IMPG1: variants seen among roughly 807,000 people sequenced by gnomAD.
IMPG1 encodes interphotoreceptor matrix proteoglycan 1, also known as interphotoreceptor matrix proteoglycan of 150 kDa.
A neutral mutation model predicts 92.0 loss-of-function variants in IMPG1; 85 were observed. The ratio of observed to expected loss-of-function variants is 0.92; its 90% CI spans 0.78 to 1.11. The LOEUF (loss-of-function observed/expected upper bound fraction) is 1.11, where lower values mean the gene tolerates loss of function less well. Among genes scored for constraint, IMPG1 ranks in the 50% least tolerant of loss-of-function variants. The pLI is 0.00. For missense variants in IMPG1, 1,022 were observed against 956.0 expected, an observed-to-expected ratio of 1.07 and a Z score of -0.91; for synonymous variants, 367 against 334.1, an observed-to-expected ratio of 1.10 and a Z score of -1.08.
At chr6:75,929,206 G>A (rs1781619320) in intron 15 of IMPG1, among the ~76,000 whole-genome samples, 1 of 152,064 alleles carries the variant, frequency 6.6e-6, no homozygotes, top group South Asian at 2.1e-4. Flanking sequence ...TTTCCAATTT[G>A]TACATCCACC....
At chr6:76,054,485 C>T (rs1323395289) in intron 1 of IMPG1, among the ~76,000 whole-genome samples, 2 of 151,964 alleles carry the variant, frequency 1.3e-5, no homozygotes, top group Admixed American at 1.3e-4. Context: ...AAAAAGGTTC[C>T]CATGATTTGC....
In IMPG1 at chr6:76,042,071, T is replaced by C. The variant is rs144543785; in HGVS notation, c.123A>G (p.Arg41=). The change falls in exon 2 of 17, where the codon AGA becomes AGG. Residue 41 remains arginine (R), a synonymous_variant. Transcript: ENST00000369950. ...TTTCAGTACTTTCAGTTGTTTCATT[T>C]CTTGGGGGATTGTCTATGTCTTTAG... ...SETKDIDNPP[R]NETTESTEKM... 220 of 1,609,950 alleles carry C rather than the reference T, an allele frequency of 1.4e-4. 1 individual carries two copies. The highest frequency in any genetic ancestry group is 1.7e-4 in the Non-Finnish European group (204 of 1,176,256).
intron 12 of IMPG1, among the ~76,000 whole-genome samples, chr6:75,955,725 T>G (rs1445081424): frequency 6.6e-6 from 1 of 152,234 alleles, no homozygotes; most frequent in Non-Finnish European, 1.5e-5. Flanking sequence ...AGTGTGATAT[T>G]GGCTGTGGGT....
chr6:76,066,410 C>T (rs1784311341), intron 1 of IMPG1, among the ~76,000 whole-genome samples: 1 of 151,942 alleles, frequency 6.6e-6, no homozygotes, highest in African/African-American at 2.4e-5. Flanking sequence ...GAAGGAGTAG[C>T]TATAGTTACA....
At chr6:75,940,948 C>G (rs974679232) in intron 14 of IMPG1, among the ~76,000 whole-genome samples, 2 of 152,184 alleles carry the variant, frequency 1.3e-5, no homozygotes, top group African/African-American at 4.8e-5. Context: ...TCTGTATATG[C>G]CTGCTATGAT....
intron 8 of IMPG1, among the ~76,000 whole-genome samples, chr6:76,008,646 G>A (rs1194164760): frequency 3.3e-5 from 5 of 152,184 alleles, no homozygotes; most frequent in Admixed American, 3.3e-4. Flanking sequence ...TGTAATCCAT[G>A]AGGTTCTGTA....
rs533374908 is a variant in IMPG1 at position 76,042,421 on chromosome 6, C to T, written c.68-295G>A. Among the ~76,000 whole-genome samples the T allele has an allele frequency of 2.6e-5, 4 of 152,140 alleles. No individual in the cohort carries two copies. The South Asian group carries it at 6.2e-4, about 24-fold the overall frequency. On this transcript the variant is annotated intron_variant, in intron 1 of 16. Coordinates refer to ENST00000369950, the MANE Select transcript of IMPG1 (RefSeq NM_001563.4). ...CCCACACATCTTTCTAAAAATCACT[C>T]CCCACTTAGCACTCAAGCCTCTCAA...
Position 75,946,754 on chromosome 6 carries a change from A to AAAAGC in IMPG1, c.2044+555_2044+559dup, listed in dbSNP as rs550308189. Among the ~76,000 whole-genome samples, 43 of 152,336 alleles carry AAAAGC rather than the reference A, an allele frequency of 2.8e-4. 1 individual carries two copies. The South Asian group carries it at 8.9e-3, about 32-fold the overall frequency. ...GAAGCTGATCTGTAGTATACAACCA[A>AAAAGC]AAAGCAAATTTATTTTCTTCTTTTT... On this transcript the variant is annotated intron_variant, in intron 14 of 16. Coordinates refer to ENST00000369950, the MANE Select transcript of IMPG1 (RefSeq NM_001563.4).
At chr6:76,016,361 C>T (rs1050506563) in intron 7 of IMPG1, among the ~76,000 whole-genome samples, 2 of 152,144 alleles carry the variant, frequency 1.3e-5, no homozygotes, top group African/African-American at 4.8e-5. Context: ...GGCCAATTAT[C>T]CTACTTTGAA....
At chr6:76,022,756 A>G (rs1171939124) in intron 5 of IMPG1, among the ~76,000 whole-genome samples, 2 of 152,224 alleles carry the variant, frequency 1.3e-5, no homozygotes, top group Non-Finnish European at 2.9e-5. Context: ...AAAGATCTTC[A>G]TAGAGTGCAA....
intron 12 of IMPG1, among the ~76,000 whole-genome samples, chr6:75,957,292 G>C (rs1320948083): frequency 1.3e-5 from 2 of 152,160 alleles, no homozygotes; most frequent in African/African-American, 4.8e-5. Flanking sequence ...TATGATTTCT[G>C]TTCTTTTGCA....
chr6:75,934,823 C>T, intron 14 of IMPG1: 1 of 393,774 alleles, frequency 2.5e-6, no homozygotes, highest in African/African-American at 2.0e-5. Flanking sequence ...CAACCTTGTC[C>T]TGCTCTTGCC....
At chr6:75,977,602 CAAAA>C (rs1281620793) in intron 12 of IMPG1, among the ~76,000 whole-genome samples, 9 of 141,300 alleles carry the variant, frequency 6.4e-5, no homozygotes, top group African/African-American at 2.4e-4. Context: ...AAAAAAAAAA[CAAAA>C]AAAAACCCCC....
intron 1 of IMPG1, among the ~76,000 whole-genome samples, chr6:76,053,061 C>A (rs1199284837): frequency 1.3e-5 from 2 of 152,196 alleles, no homozygotes; most frequent in African/African-American, 2.4e-5. Flanking sequence ...CACTCCTAAT[C>A]ATCTCATCTT....
intron 2 of IMPG1, among the ~76,000 whole-genome samples, chr6:76,041,025 T>C (rs900563730): frequency 1.3e-5 from 2 of 152,214 alleles, no homozygotes; most frequent in Non-Finnish European, 2.9e-5. Context: ...TAGAAATCAG[T>C]AAAACTCTCA....
chr6:75,976,096 A>G (rs1013948663), intron 12 of IMPG1, among the ~76,000 whole-genome samples: 7 of 152,328 alleles, frequency 4.6e-5, no homozygotes, highest in African/African-American at 1.7e-4. Context: ...TTTTGGAACC[A>G]ATGATAACAT....
chr6:75,937,539 CTTA>C, intron 14 of IMPG1, among the ~76,000 whole-genome samples: 1 of 152,288 alleles, frequency 6.6e-6, no homozygotes, highest in South Asian at 2.1e-4. Context: ...AGACAAATTA[CTTA>C]TTCTTCTCTG....
intron 8 of IMPG1, among the ~76,000 whole-genome samples, chr6:76,009,472 A>C (rs956830954): frequency 6.6e-6 from 1 of 152,250 alleles, no homozygotes; most frequent in Non-Finnish European, 1.5e-5. Context: ...ACAAAAAAGC[A>C]ATTTCCTTAA....
intron 1 of IMPG1, among the ~76,000 whole-genome samples, chr6:76,047,453 T>G (rs1309691571): frequency 1.2e-4 from 18 of 152,246 alleles, no homozygotes; most frequent in Non-Finnish European, 1.0e-4. Context: ...TCAGGTCCAC[T>G]ATGGGACATA....
Sources: allele counts gnomAD v4.1 joint callset (sites outside exome capture counted in the v4.1 genomes callset), GRCh38; gene constraint gnomAD v4.1.1; transcripts MANE v1.5; gene names NCBI Gene and HGNC (gene_info 2026-07-23, HGNC 2026-07-21).